Variants in PHAF1 observed in about 807,000 individuals in gnomAD.
The protein encoded by PHAF1 is phagosome assembly factor 1.
PHAF1 carries 23 observed loss-of-function variants against 63.1 expected under a neutral mutation model. The ratio of observed to expected loss-of-function variants is 0.36; its 90% CI spans 0.26 to 0.52. The LOEUF is 0.52. Among genes scored for constraint, PHAF1 ranks in the 20% least tolerant of loss-of-function variants. The pLI is 0.93. For synonymous variants in PHAF1, 167 were observed against 185.0 expected, an observed-to-expected ratio of 0.90 and a Z score of 0.79; for missense variants, 427 against 517.2, an observed-to-expected ratio of 0.83 and a Z score of 1.69.
chr16:67,147,288 A>C lies in PHAF1; in HGVS notation c.*157A>C, dbSNP rs923736912. ...TTGGGCTCAGGCTGGGTGCTCTGCC[A>C]TGGGCTGAGTGGCCCAGATATTCTT... On this transcript the variant is annotated 3_prime_UTR_variant, in exon 16 of 16. Transcript: ENST00000219139. The C allele has an allele frequency of 1.5e-6, 1 of 659,102 alleles. No individual in the cohort carries two copies. 40.8% of individuals were successfully genotyped at this position (659,102 alleles called of 1,614,324 possible).
Position 67,145,467 on chromosome 16 carries a change from A to AT in PHAF1, c.1050+49dup, listed in dbSNP as rs754407375. ...GGCATAGCCTGAGAATGAGGTGGACATGAGCCTGCAGGCAGTATGGGGCTG... is the reference window on the plus strand; with the variant it reads ...GGCATAGCCTGAGAATGAGGTGGACATTGAGCCTGCAGGCAGTATGGGGCTG... On this transcript the variant is annotated intron_variant, in intron 13 of 15. Coordinates refer to ENST00000219139, the MANE Select transcript of PHAF1 (RefSeq NM_025187.5). 2.0e-5 allele frequency: 32 copies of AT among 1,613,566 alleles called. No homozygotes were observed. The East Asian group carries it at 5.6e-4, about 28-fold the overall frequency.
intron 1 of PHAF1, among the ~76,000 whole-genome samples, chr16:67,119,872 A>G (rs1450353514): frequency 6.6e-6 from 1 of 152,122 alleles, no homozygotes; most frequent in East Asian, 1.9e-4. Flanking sequence ...TAAGCAAAAG[A>G]GTCCTTGCAT....
intron 8 of PHAF1, chr16:67,136,365 C>T (rs1369901003): frequency 6.6e-6 from 1 of 151,696 alleles, no homozygotes; most frequent in African/African-American, 2.4e-5. Flanking sequence ...ATCCATGCCT[C>T]ATTTTGTGAC....
At chr16:67,133,001 T>G in intron 6 of PHAF1, 90 bp downstream of exon 6, 2 of 1,047,412 alleles carry the variant, frequency 1.9e-6, no homozygotes, top group Non-Finnish European at 2.9e-6. Flanking sequence ...GAGGAGTGGG[T>G]ATTAGATAGG....
intron 1 of PHAF1, among the ~76,000 whole-genome samples, chr16:67,119,506 C>T (rs1171875627): frequency 6.6e-6 from 1 of 151,448 alleles, no homozygotes. Flanking sequence ...AAAAAGGGTC[C>T]ATGCATCATA....
intron 8 of PHAF1, among the ~76,000 whole-genome samples, chr16:67,137,104 G>A (rs1333283485): frequency 6.6e-6 from 1 of 151,292 alleles, no homozygotes; most frequent in Admixed American, 6.6e-5. Context: ...GCAGTGAGCC[G>A]AGATAGCGCC....
intron 8 of PHAF1, 189 bp from the exon 9 acceptor site, chr16:67,139,795 G>A (rs1321577832): frequency 6.6e-6 from 4 of 609,854 alleles, no homozygotes; most frequent in Non-Finnish European, 1.1e-5. Flanking sequence ...TAAGTCCCTG[G>A]CATTATTTTG....
chr16:67,146,404 A>G (rs985748638), intron 15 of PHAF1, 54 bp downstream of exon 15: 2 of 1,546,800 alleles, frequency 1.3e-6, no homozygotes, highest in African/African-American at 2.7e-5. Flanking sequence ...TGGTCATGGC[A>G]GGGCCAGGTG....
chr16:67,144,159 T>G, intron 10 of PHAF1, 135 bp from the exon 11 acceptor site: 1 of 644,978 alleles, frequency 1.6e-6, no homozygotes, highest in South Asian at 1.9e-5. Flanking sequence ...GACTGTTGTC[T>G]GGAAGAAAGG....
chr16:67,140,177 G>A (rs45541139), intron 9 of PHAF1, 60 bp downstream of exon 9: 520 of 1,543,248 alleles, frequency 3.4e-4, no homozygotes, highest in Non-Finnish European at 4.2e-4. Flanking sequence ...TTAATATTGA[G>A]TATAAACTGT....
chr16:67,141,888 T>G (rs1322163057), intron 10 of PHAF1, among the ~76,000 whole-genome samples: 3 of 152,200 alleles, frequency 2.0e-5, no homozygotes, highest in Admixed American at 2.0e-4. Context: ...GCTCTTCTCT[T>G]CTTGTCACCC....
In PHAF1 at chr16:67,147,029, CCTCTT is replaced by C. The variant is rs1402481933; in HGVS notation, c.1183-12_1183-8del. 19 of 1,605,684 alleles carry C rather than the reference CCTCTT, an allele frequency of 1.2e-5. No individual in the cohort carries two copies. The highest frequency in any genetic ancestry group is 1.5e-5 in the Non-Finnish European group (18 of 1,172,380). Reference sequence around the variant, plus strand: ...TTACCTCTCCCCCTTGACCCACTGTCCTCTTCTCACACCAGGTCATGCAGAACAAC... The same window carrying C: ...TTACCTCTCCCCCTTGACCCACTGTCCTCACACCAGGTCATGCAGAACAAC... On this transcript the variant is annotated splice_polypyrimidine_tract_variant and intron_variant, in intron 15 of 15. Transcript: ENST00000219139.
At chr16:67,115,373 G>C (rs554382539) in intron 1 of PHAF1, among the ~76,000 whole-genome samples, 2 of 152,360 alleles carry the variant, frequency 1.3e-5, no homozygotes, top group South Asian at 4.1e-4. Context: ...ACAAGAGGCA[G>C]CTTTGGGTAG....
At chr16:67,140,159 A>T in intron 9 of PHAF1, 42 bp downstream of exon 9, 1 of 1,592,924 alleles carries the variant, frequency 6.3e-7, no homozygotes, top group Non-Finnish European at 8.6e-7. Flanking sequence ...TTTTTAATCA[A>T]CACTAATTTA....
chr16:67,131,998 A>C (rs1423192392), intron 4 of PHAF1: 3 of 154,364 alleles, frequency 1.9e-5, no homozygotes, highest in Admixed American at 6.5e-5. Context: ...TCCTTTCAGT[A>C]AGTCTCCTTA....
At chr16:67,134,020 T>A in intron 6 of PHAF1, 148 bp from the exon 7 acceptor site, 1 of 635,446 alleles carries the variant, frequency 1.6e-6, no homozygotes, top group Non-Finnish European at 2.8e-6. Flanking sequence ...GGGAGTTTAC[T>A]GACCCAGAGC....
At position 67,121,860 on chromosome 16, in the gene PHAF1, G is replaced by A. The variant is rs143306828; in HGVS notation, c.147+1666G>A. ...CTCCCAAAGTACTGGGATTACAGAC[G>A]TGAGCCACCAGGCTTGGCCTATTTA... is the stretch of plus-strand genomic sequence containing the variant. On this transcript the variant is annotated intron_variant, in intron 2 of 15. Coordinates refer to ENST00000219139, the MANE Select transcript of PHAF1 (RefSeq NM_025187.5). 5.7e-3 allele frequency among the ~76,000 whole-genome samples: 866 copies of A among 152,272 alleles called. 3 individuals are homozygous for A. Among genetic ancestry groups the A allele is most frequent in the African/African-American group, 0.019 (809 of 41,546 alleles).
At position 67,121,347 on chromosome 16, in the gene PHAF1, A is replaced by T. The variant is rs1011169575; in HGVS notation, c.147+1153A>T. Among the ~76,000 whole-genome samples, 87 of 145,534 alleles carry T rather than the reference A, an allele frequency of 6.0e-4. 1 individual carries two copies. Among genetic ancestry groups the T allele is most frequent in the African/African-American group, 2.1e-3 (82 of 38,728 alleles). On this transcript the variant is annotated intron_variant, in intron 2 of 15. Coordinates refer to ENST00000219139, the MANE Select transcript of PHAF1 (RefSeq NM_025187.5). Reference sequence around the variant, plus strand: ...GCTGGGACTACAGGCGCCCACCACCACACCCAGCTAATTTTTTTTTTTTTT... The same window carrying T: ...GCTGGGACTACAGGCGCCCACCACCTCACCCAGCTAATTTTTTTTTTTTTT...
chr16:67,128,076 G>T (rs1040879761), intron 3 of PHAF1, among the ~76,000 whole-genome samples: 2 of 120,246 alleles, frequency 1.7e-5, no homozygotes, highest in Non-Finnish European at 3.4e-5. Flanking sequence ...TTTCACATGC[G>T]TTTTCTAGTT....
Sources: allele counts gnomAD v4.1 joint callset (sites outside exome capture counted in the v4.1 genomes callset), GRCh38; gene constraint gnomAD v4.1.1; transcripts MANE v1.5; gene names NCBI Gene and HGNC (gene_info 2026-07-23, HGNC 2026-07-21).